NEK10: variants seen among roughly 807,000 people sequenced by gnomAD.
NEK10 encodes NIMA related kinase 10.
A neutral mutation model predicts 159.8 loss-of-function variants in NEK10; 122 were observed. The ratio of observed to expected loss-of-function variants is 0.76; its 90% CI spans 0.66 to 0.89. The LOEUF (loss-of-function observed/expected upper bound fraction) is 0.89. NEK10 is among the 40% of genes least tolerant of loss of function. The probability of loss-of-function intolerance (pLI) is 0.00; values close to 1 mark genes in which losing one functional copy is unlikely to be tolerated. For synonymous variants in NEK10, 466 were observed against 457.1 expected (o/e 1.02, Z -0.25); for missense variants, 1,342 against 1,323.1 (o/e 1.01, Z -0.22).
At chr3:27,191,412 A>C (rs1194313166) in intron 26 of NEK10, among the ~76,000 whole-genome samples, 1 of 152,254 alleles carries the variant, frequency 6.6e-6, no homozygotes, top group African/African-American at 2.4e-5. Flanking sequence ...AGAAGAAAGA[A>C]AATAAGAGAC....
At chr3:27,284,801 T>C (rs775153832) in intron 21 of NEK10, 39 bp downstream of exon 21, 1 of 1,555,968 alleles carries the variant, frequency 6.4e-7, no homozygotes, top group Non-Finnish European at 8.8e-7. Context: ...CTCAGAACAT[T>C]ACTGTTTTAA....
chr3:27,337,409 G>A (rs2046882716), intron 5 of NEK10, among the ~76,000 whole-genome samples: 1 of 151,442 alleles, frequency 6.6e-6, no homozygotes, highest in South Asian at 2.1e-4. Context: ...CAGATTCAAT[G>A]CAATCCCTAT....
intron 3 of NEK10, among the ~76,000 whole-genome samples, chr3:27,346,686 T>C (rs1051897452): frequency 2.0e-5 from 3 of 152,168 alleles, no homozygotes; most frequent in Non-Finnish European, 4.4e-5. Flanking sequence ...AGTGCCCAAA[T>C]TGAGAATGAG....
At chr3:27,268,124 A>G (rs2041053959) in intron 22 of NEK10, among the ~76,000 whole-genome samples, 1 of 152,242 alleles carries the variant, frequency 6.6e-6, no homozygotes, top group Non-Finnish European at 1.5e-5. Flanking sequence ...GAGAGAGGTG[A>G]GAAAGCTGCA....
At position 27,352,582 on chromosome 3, in the gene NEK10, G is replaced by T; in HGVS notation, c.72-57C>A. 3.1e-6 allele frequency: 4 copies of T among 1,295,186 alleles called. No individual in the cohort carries two copies. In the South Asian group the frequency reaches 4.8e-5, roughly 16 times the overall value. The allele number at this position is 1,295,186 out of a possible 1,614,324, so 80.2% of individuals were successfully genotyped here. A position where few individuals can be genotyped will look rare whatever the true frequency, so the allele number is the denominator to read the frequency against. On this transcript the variant is annotated intron_variant, in intron 2 of 35. Transcript: ENST00000691995. ...CAGAAGGCTCCAGGTGAACAAGATCGTGTTACCCACTGATGGCATTGCCAC... is the reference window on the plus strand; with the variant it reads ...CAGAAGGCTCCAGGTGAACAAGATCTTGTTACCCACTGATGGCATTGCCAC...
At chr3:27,274,307 T>A (rs1197110292) in intron 22 of NEK10, among the ~76,000 whole-genome samples, 1 of 152,160 alleles carries the variant, frequency 6.6e-6, no homozygotes, top group African/African-American at 2.4e-5. Context: ...CAACACTTGA[T>A]AAAAGAATGC....
intron 13 of NEK10, among the ~76,000 whole-genome samples, chr3:27,298,377 CT>C (rs1437493914): frequency 6.6e-6 from 1 of 152,166 alleles, no homozygotes; most frequent in East Asian, 1.9e-4. Context: ...TAAGATATGA[CT>C]TGCTCCTCCT....
chr3:27,175,387 CA>C (rs1706205704), intron 26 of NEK10, among the ~76,000 whole-genome samples: 2 of 152,192 alleles, frequency 1.3e-5, no homozygotes, highest in Non-Finnish European at 2.9e-5. Context: ...GAACTAGCCA[CA>C]GGGTCCTCCT....
intron 32 of NEK10, among the ~76,000 whole-genome samples, chr3:27,127,653 C>A (rs537234812): frequency 8.2e-4 from 125 of 152,292 alleles, no homozygotes; most frequent in Non-Finnish European, 1.2e-3. Flanking sequence ...TCCAGTCTAT[C>A]ACTGACCAAA....
intron 35 of NEK10, 44 bp from the exon 36 acceptor site, chr3:27,111,364 AT>A: frequency 6.9e-7 from 1 of 1,450,596 alleles, no homozygotes; most frequent in South Asian, 1.3e-5. Context: ...AGTTACAAAT[AT>A]TTTAGTTCAT....
chr3:27,199,234 A>C (rs1248570216), intron 25 of NEK10, among the ~76,000 whole-genome samples: 2 of 152,200 alleles, frequency 1.3e-5, no homozygotes, highest in South Asian at 2.1e-4. Context: ...TCTAATATGC[A>C]GTTTCTATAA....
At chr3:27,112,630 G>A (rs906713490) in intron 35 of NEK10, among the ~76,000 whole-genome samples, 15 of 152,100 alleles carry the variant, frequency 9.9e-5, no homozygotes, top group Non-Finnish European at 1.5e-5. Context: ...AAAACACTGA[G>A]GTCAACAAAC....
chr3:27,316,374 A>G (rs976201661), intron 6 of NEK10, among the ~76,000 whole-genome samples: 3 of 152,322 alleles, frequency 2.0e-5, no homozygotes, highest in South Asian at 4.1e-4. Flanking sequence ...ACATCAGTCT[A>G]TTTAAGTGGG....
intron 5 of NEK10, among the ~76,000 whole-genome samples, chr3:27,330,113 A>G (rs1038451186): frequency 3.3e-5 from 5 of 151,326 alleles, no homozygotes; most frequent in African/African-American, 7.3e-5. Flanking sequence ...GAATCTGATG[A>G]TGCAGAACCC....
intron 26 of NEK10, among the ~76,000 whole-genome samples, chr3:27,183,407 A>C (rs1948319930): frequency 6.7e-6 from 1 of 149,992 alleles, no homozygotes; most frequent in African/African-American, 2.4e-5. Flanking sequence ...AAAAAAAAAA[A>C]CCAAAAAGTC....
chr3:27,347,149 T>C (rs1331487485), intron 3 of NEK10, among the ~76,000 whole-genome samples: 1 of 152,202 alleles, frequency 6.6e-6, no homozygotes, highest in African/African-American at 2.4e-5. Flanking sequence ...CCATTTTATA[T>C]ATTACCAAAG....
chr3:27,330,050 A>C (rs1265669719), intron 5 of NEK10, among the ~76,000 whole-genome samples: 1 of 151,956 alleles, frequency 6.6e-6, no homozygotes, highest in African/African-American at 2.4e-5. Context: ...AGTACTTTTT[A>C]TTGTTGTGTT....
chr3:27,169,925 A>G (rs752269984), intron 29 of NEK10, among the ~76,000 whole-genome samples: 3 of 152,174 alleles, frequency 2.0e-5, no homozygotes, highest in Non-Finnish European at 2.9e-5. Context: ...AAGAAAGGTG[A>G]CATGAGAATG....
chr3:27,182,973 T>C (rs554673288), intron 26 of NEK10, among the ~76,000 whole-genome samples: 2 of 151,958 alleles, frequency 1.3e-5, no homozygotes, highest in South Asian at 2.1e-4. Context: ...GGTACAAAAA[T>C]ACAGTAAGAT....
Sources: gnomAD v4.1 joint callset for allele counts (sites outside exome capture counted in the v4.1 genomes callset) on GRCh38, gnomAD v4.1.1 for gene constraint, MANE v1.5 for transcripts, NCBI Gene and HGNC (gene_info 2026-07-23, HGNC 2026-07-21) for gene names.